The following ADAM17 variants were observed in gnomAD, a reference collection of about 807,000 sequenced individuals.
The protein encoded by ADAM17 is ADAM metallopeptidase domain 17, also known as disintegrin and metalloproteinase domain-containing protein 17.
ADAM17 carries 39 observed loss-of-function variants against 96.7 expected under a neutral mutation model. The observed-to-expected ratio is 0.40, with a 90% confidence interval of 0.31 to 0.53. The LOEUF is 0.53. ADAM17 is among the 20% of genes least tolerant of loss of function. The pLI, the probability that ADAM17 is intolerant of heterozygous loss-of-function variation, is 0.44. For synonymous variants in ADAM17, 344 were observed against 359.2 expected (o/e 0.96, Z 0.48); for missense variants, 777 against 1,013.2 (o/e 0.77, Z 3.17).
chr2:9,511,255 C>T (rs190910092), intron 10 of ADAM17, among the ~76,000 whole-genome samples: 1 of 152,050 alleles, frequency 6.6e-6, no homozygotes, highest in East Asian at 1.9e-4. Context: ...TCGAGACCAG[C>T]CTGGCCAACA....
chr2:9,496,048 A>C (rs374547692), intron 14 of ADAM17, among the ~76,000 whole-genome samples: 5 of 151,820 alleles, frequency 3.3e-5, no homozygotes, highest in Non-Finnish European at 7.4e-5. Flanking sequence ...TCCTCACTCC[A>C]CTGTATGGAT....
intron 8 of ADAM17, 97 bp downstream of exon 8, chr2:9,521,106 A>C: frequency 2.0e-6 from 2 of 992,054 alleles, no homozygotes; most frequent in Non-Finnish European, 3.1e-6. Context: ...CTGGGTGTCC[A>C]TCTTTTCTAA....
chr2:9,550,439 C>CTTTTTT (rs35602755), intron 1 of ADAM17, among the ~76,000 whole-genome samples: 33 of 74,164 alleles, frequency 4.4e-4, no homozygotes, highest in East Asian at 6.1e-4. Flanking sequence ...GATACTCATT[C>CTTTTTT]TTTTTTTTTT....
At chr2:9,511,746 G>C (rs915599441) in intron 10 of ADAM17, among the ~76,000 whole-genome samples, 1 of 152,050 alleles carries the variant, frequency 6.6e-6, no homozygotes, top group Non-Finnish European at 1.5e-5. Context: ...CAAGGCAGCT[G>C]GATCACTTGA....
rs1341185003 is a variant in ADAM17 at position 9,489,137 on chromosome 2, A to C, written c.*1040T>G. 7.0e-6 allele frequency: 1 copy of C among 142,308 alleles called. No individual in the cohort carries two copies. The highest frequency in any genetic ancestry group is 1.6e-5 in the Non-Finnish European group (1 of 64,148). The allele number at this position is 142,308 out of a possible 1,614,324, so 8.8% of individuals were successfully genotyped here. ...TTCTATCTCCTGGCTGGCTCATCAC[A>C]TTCAAAACAACCTGTTTTTTTTGTT... On this transcript the variant is annotated 3_prime_UTR_variant, in exon 19 of 19. Transcript: ENST00000310823.
At chr2:9,508,651 A>C (rs751309014) in intron 11 of ADAM17, among the ~76,000 whole-genome samples, 12 of 152,210 alleles carry the variant, frequency 7.9e-5, no homozygotes, top group Non-Finnish European at 1.5e-4. Context: ...TTTACAATTC[A>C]GTTCCTCAGT....
At chr2:9,507,385 C>T (rs1663471461) in intron 11 of ADAM17, among the ~76,000 whole-genome samples, 1 of 152,060 alleles carries the variant, frequency 6.6e-6, no homozygotes, top group African/African-American at 2.4e-5. Context: ...ACCTGTAACC[C>T]CAGCTACTCA....
intron 1 of ADAM17, among the ~76,000 whole-genome samples, chr2:9,546,987 G>A (rs780464103): frequency 2.0e-5 from 3 of 152,178 alleles, no homozygotes; most frequent in Non-Finnish European, 2.9e-5. Flanking sequence ...GATTACAGGC[G>A]TGGGCCACAG....
chr2:9,499,459 T>C (rs75185948), intron 13 of ADAM17, among the ~76,000 whole-genome samples: 2 of 152,012 alleles, frequency 1.3e-5, no homozygotes, highest in African/African-American at 4.8e-5. Flanking sequence ...TGGAGTGCAG[T>C]GGCGTGATCT....
chr2:9,547,281 A>G (rs1343121139), intron 1 of ADAM17, among the ~76,000 whole-genome samples: 1 of 152,228 alleles, frequency 6.6e-6, no homozygotes, highest in African/African-American at 2.4e-5. Flanking sequence ...ATATTTATTG[A>G]GAACCTCCTA....
At chr2:9,496,797 G>A (rs571163569) in intron 14 of ADAM17, among the ~76,000 whole-genome samples, 19 of 152,300 alleles carry the variant, frequency 1.2e-4, no homozygotes, top group Admixed American at 1.2e-3. Context: ...ATATGGAGCA[G>A]AGGAAGGCTA....
intron 9 of ADAM17, 43 bp from the exon 10 acceptor site, chr2:9,518,032 A>C (rs2125017775): frequency 6.3e-7 from 1 of 1,576,764 alleles, no homozygotes; most frequent in Non-Finnish European, 8.6e-7. Flanking sequence ...TATTAAATAC[A>C]GAATTATAAT....
Position 9,536,739 on chromosome 2 carries a change from T to C in ADAM17, c.320A>G (p.Tyr107Cys). The change falls in exon 3 of 19, where the codon TAC (tyrosine) becomes TGC (cysteine). Residue 107 changes from tyrosine (Y) to cysteine (C), a missense_variant. This residue lies in a region of ADAM17 where 134 missense variants were observed against 129.1 expected (regional missense o/e 1.04). Coordinates refer to ENST00000310823, the MANE Select transcript of ADAM17 (RefSeq NM_003183.6). The part of the protein sequence containing the change: ...VVVDGKNESE[Y>C]TVKWQDFFTG... The stretch of plus-strand genomic sequence containing the variant: ...GAAGAAGTCCTGCCATTTTACAGTG[T>C]ACTCGCTTTCGTTTTTACCATCCAC... 6.2e-7 allele frequency: 1 copy of C among 1,614,140 alleles called. No homozygotes were observed. The highest frequency in any genetic ancestry group is 8.5e-7 in the Non-Finnish European group (1 of 1,180,004).
chr2:9,499,638 GT>G (rs1477890095), intron 13 of ADAM17, among the ~76,000 whole-genome samples: 2 of 152,082 alleles, frequency 1.3e-5, no homozygotes, highest in Admixed American at 1.3e-4. Context: ...TCCTGATCTC[GT>G]GATCTGCCCA....
At chr2:9,544,156 C>T (rs1313993660) in intron 1 of ADAM17, among the ~76,000 whole-genome samples, 1 of 152,168 alleles carries the variant, frequency 6.6e-6, no homozygotes, top group East Asian at 1.9e-4. Context: ...AACTGGCTTC[C>T]AGAATGCTAG....
chr2:9,522,381 A>G, intron 7 of ADAM17: 1 of 564,846 alleles, frequency 1.8e-6, no homozygotes, highest in Non-Finnish European at 3.3e-6. Context: ...AACAGGCTGC[A>G]GAGACTTACT....
intron 11 of ADAM17, chr2:9,506,977 C>A (rs1038706091): frequency 6.6e-6 from 1 of 152,132 alleles, no homozygotes; most frequent in Non-Finnish European, 1.5e-5. Context: ...ACTTCCTCTT[C>A]CGTTCAGCAA....
At chr2:9,523,155 A>G (rs1340553727) in intron 7 of ADAM17, 94 bp downstream of exon 7, 40 of 891,688 alleles carry the variant, frequency 4.5e-5, no homozygotes, top group Non-Finnish European at 4.1e-5. Context: ...ATTTACAATT[A>G]TTGTTAAGGA....
intron 1 of ADAM17, among the ~76,000 whole-genome samples, chr2:9,548,825 AAAG>A (rs1406088485): frequency 1.3e-5 from 2 of 152,190 alleles, no homozygotes; most frequent in Non-Finnish European, 2.9e-5. Context: ...TAAAGGTTTC[AAAG>A]AAGAATAAAA....
Sources: gnomAD v4.1 joint callset for allele counts (sites outside exome capture counted in the v4.1 genomes callset) on GRCh38, gnomAD v4.1.1 for gene constraint, gnomAD v4.1.1 regional missense constraint, MANE v1.5 for transcripts, NCBI Gene and HGNC (gene_info 2026-07-23, HGNC 2026-07-21) for gene names.